UBAP2L: variants seen among roughly 807,000 people sequenced by gnomAD.
The protein encoded by UBAP2L is ubiquitin associated protein 2 like.
Under a neutral mutation model 130.6 loss-of-function variants are expected in UBAP2L, and 12 were observed. The observed-to-expected ratio is 0.09, with a 90% CI of 0.06 to 0.15. UBAP2L has a LOEUF of 0.15. UBAP2L is among the 10% of genes least tolerant of loss of function. The pLI, the probability that UBAP2L is intolerant of heterozygous loss-of-function variation, is 1.00. For synonymous variants in UBAP2L, 503 were observed against 524.7 expected (o/e 0.96, Z 0.57); for missense variants, 965 against 1,332.5 (o/e 0.72, Z 4.29).
Position 154,249,500 on chromosome 1 carries a change from C to A in UBAP2L, c.1213+63C>A, listed in dbSNP as rs1039208542. 13 of 1,597,780 alleles carry A rather than the reference C, an allele frequency of 8.1e-6. No individual in the cohort carries two copies. In the African/African-American group the frequency reaches 1.3e-4, roughly 16 times the overall value. ...TGGAGCATTACTGTCAAGAGGCTAG[C>A]AGGGGGAGGGGGTGGAGAATGTGTC... On this transcript the variant is annotated intron_variant, in intron 12 of 26. Transcript: ENST00000428931.
downstream of UBAP2L, chr1:154,271,253 A>T (rs1403194990): frequency 3.5e-6 from 1 of 284,728 alleles, no homozygotes; most frequent in African/African-American, 2.2e-5. Context: ...TTTAAGTATG[A>T]CTTAGATGGG....
intron 4 of UBAP2L, among the ~76,000 whole-genome samples, chr1:154,230,022 T>G (rs74517492): frequency 1.4e-5 from 2 of 146,622 alleles, no homozygotes. Context: ...ACCCAGCTAA[T>G]TTTTTTTTTT....
chr1:154,243,551 C>A (rs1674299433), intron 10 of UBAP2L, among the ~76,000 whole-genome samples: 1 of 151,994 alleles, frequency 6.6e-6, no homozygotes, highest in East Asian at 1.9e-4. Flanking sequence ...ACCTCTGCCT[C>A]CTGGGCTCAA....
chr1:154,254,028 A>G lies in UBAP2L; in HGVS notation c.1793A>G (p.Gln598Arg), dbSNP rs1283363330. The G allele has an allele frequency of 6.2e-7, 1 of 1,610,756 alleles. No individual in the cohort carries two copies. Among genetic ancestry groups the G allele is most frequent in the Admixed American group, 1.7e-5 (1 of 59,316 alleles). Reference sequence around the variant, plus strand: ...CCTCTTTATGAACAGAGATCCACACAGACTCGGCGGTACCCCAGCTCCATC... The same window carrying G: ...CCTCTTTATGAACAGAGATCCACACGGACTCGGCGGTACCCCAGCTCCATC... ...QGPLYEQRST[Q>R]TRRYPSSISS... The change falls in exon 15 of 27, where the codon CAG (glutamine) becomes CGG (arginine). Residue 598 changes from glutamine to arginine, a missense_variant. This residue lies in a region of UBAP2L where 393 missense variants were observed against 408.1 expected (regional missense o/e 0.96). Coordinates refer to ENST00000428931, the MANE Select transcript of UBAP2L (RefSeq NM_014847.4).
rs1341525919 is a variant in UBAP2L at position 154,242,927 on chromosome 1, CTTTT to C, written c.757-289_757-286del. On this transcript the variant is annotated intron_variant, in intron 9 of 26. Transcript: ENST00000428931. ...GGGAAAATATAGAGGGATTTTCTTT[CTTTT>C]ATTTTTTTTTTTTTATGTCTAGCAT... The C allele has an allele frequency of 3.7e-5, 7 of 188,196 alleles. No individual in the cohort carries two copies. The East Asian group carries it at 8.5e-4, about 23-fold the overall frequency. 11.7% of individuals were successfully genotyped at this position (188,196 alleles called of 1,614,324 possible).
rs757730922 is a variant in UBAP2L at position 154,257,198 on chromosome 1, A to G, written c.2293A>G (p.Ser765Gly). 2.5e-6 allele frequency: 4 copies of G among 1,614,098 alleles called. No homozygotes were observed. The African/African-American group carries it at 4.0e-5, about 16-fold the overall frequency. ...CAATAGTGGCAGTAGCCTGGGCCTC[A>G]GCCTAGGCAGCAACTCCACTGTCAC... The part of the protein sequence containing the change: ...SLNSGSSLGL[S>G]LGSNSTVTAS... The change falls in exon 19 of 27, where the codon AGC becomes GGC. Residue 765 changes from serine (S) to glycine (G), a missense_variant. Around this residue, in one of 9 missense-constraint regions of UBAP2L, gnomAD observed 393 missense variants for 408.1 expected, o/e 0.96. Coordinates refer to ENST00000428931, the MANE Select transcript of UBAP2L (RefSeq NM_014847.4).
intron 20 of UBAP2L, among the ~76,000 whole-genome samples, chr1:154,258,357 T>C (rs1385550603): frequency 1.3e-5 from 2 of 152,232 alleles, no homozygotes; most frequent in African/African-American, 2.4e-5. Flanking sequence ...GAAAGTTTCC[T>C]GACTCAATCT....
At chr1:154,260,139 C>T in intron 22 of UBAP2L, 110 bp downstream of exon 22, 4 of 1,171,908 alleles carry the variant, frequency 3.4e-6, no homozygotes. Flanking sequence ...TTGGTAGATT[C>T]AAAATCCTGC....
chr1:154,251,113 C>G lies in UBAP2L; in HGVS notation c.1286C>G (p.Thr429Ser). The G allele has an allele frequency of 6.2e-7, 1 of 1,614,170 alleles. No individual in the cohort carries two copies. The highest frequency in any genetic ancestry group is 1.3e-5 in the African/African-American group (1 of 75,046). The change falls in exon 13 of 27, where the codon ACC becomes AGC. Residue 429 changes from threonine to serine, a missense_variant. Transcript: ENST00000428931. Reference protein sequence around the residue: ...TKRQAFTPSSTMMEVFLQEKS... With the variant: ...TKRQAFTPSSSMMEVFLQEKS... ...CGCCAGGCTTTTACCCCATCTTCAACCATGATGGAGGTGTTCCTTCAGGAG... is the reference window on the plus strand; with the variant it reads ...CGCCAGGCTTTTACCCCATCTTCAAGCATGATGGAGGTGTTCCTTCAGGAG...
At chr1:154,223,122 TA>T (rs35435024) in intron 1 of UBAP2L, among the ~76,000 whole-genome samples, 98,960 of 152,032 alleles carry the variant, frequency 0.65, 33,246 homozygotes, top group East Asian at 0.96. Flanking sequence ...TACTAGGTGG[TA>T]AAAATTTTCT....
chr1:154,229,526 G>T (rs1362444142), intron 4 of UBAP2L, among the ~76,000 whole-genome samples: 1 of 151,978 alleles, frequency 6.6e-6, no homozygotes, highest in Non-Finnish European at 1.5e-5. Flanking sequence ...CCTGGCTGGA[G>T]TACACTGACA....
rs1405347631 is a variant in UBAP2L, at chr1:154,249,489, C to T, written c.1213+52C>T. The T allele has an allele frequency of 2.5e-6, 4 of 1,606,460 alleles. No homozygotes were observed. The African/African-American group carries it at 4.0e-5, about 16-fold the overall frequency. On this transcript the variant is annotated intron_variant, in intron 12 of 26. Coordinates refer to ENST00000428931, the MANE Select transcript of UBAP2L (RefSeq NM_014847.4). Reference sequence around the variant, plus strand: ...CTTTAAAGCATTGGAGCATTACTGTCAAGAGGCTAGCAGGGGGAGGGGGTG... The same window carrying T: ...CTTTAAAGCATTGGAGCATTACTGTTAAGAGGCTAGCAGGGGGAGGGGGTG...
intron 8 of UBAP2L, among the ~76,000 whole-genome samples, chr1:154,237,462 GC>G (rs1443600996): frequency 6.6e-6 from 1 of 152,202 alleles, no homozygotes; most frequent in Non-Finnish European, 1.5e-5. Context: ...GAAAGTCCAT[GC>G]CCTTTCAACT....
chr1:154,239,505 T>C (rs1320983094), intron 8 of UBAP2L, among the ~76,000 whole-genome samples: 1 of 152,240 alleles, frequency 6.6e-6, no homozygotes, highest in Non-Finnish European at 1.5e-5. Flanking sequence ...ACAGTTACAC[T>C]GATTGCTTTC....
At chr1:154,225,345 C>CT (rs1667568082) in intron 2 of UBAP2L, 132 bp downstream of exon 2, 1 of 916,938 alleles carries the variant, frequency 1.1e-6, no homozygotes, top group South Asian at 1.6e-5. Context: ...GTCCTTGGCT[C>CT]TTTTTTTACT....
rs1228127378 is a variant in UBAP2L, at chr1:154,236,928, G to A, written c.591-96G>A. The A allele has an allele frequency of 1.6e-5, 15 of 928,716 alleles. No individual in the cohort carries two copies. The East Asian group carries it at 3.8e-4, about 24-fold the overall frequency. 57.5% of individuals were successfully genotyped at this position (928,716 alleles called of 1,614,324 possible). A position where few individuals can be genotyped will look rare whatever the true frequency, so the allele number is the denominator to read the frequency against. ...TATAGAATGGGGCCATGACAGATTT[G>A]TACTAGGAAGGATGCAGTCAAGATT... is the stretch of plus-strand genomic sequence containing the variant. On this transcript the variant is annotated intron_variant, in intron 7 of 26. Transcript: ENST00000428931.
chr1:154,255,366 G>A lies in UBAP2L; in HGVS notation c.2084+40G>A, dbSNP rs1318908663. 2.5e-6 allele frequency: 4 copies of A among 1,605,492 alleles called. No individual in the cohort carries two copies. In the African/African-American group the frequency reaches 4.0e-5, roughly 16 times the overall value. On this transcript the variant is annotated intron_variant, in intron 17 of 26. Coordinates refer to ENST00000428931, the MANE Select transcript of UBAP2L (RefSeq NM_014847.4). ...GGATGGAGGTTGGGGTTGGTGAATA[G>A]CAATAACAGAGCTCTCTGGTCCTTA...
In UBAP2L at chr1:154,227,320, G is replaced by T. The variant is rs573470269; in HGVS notation, c.129G>T (p.Ser43=). 1 of 1,613,470 alleles carries T rather than the reference G, an allele frequency of 6.2e-7. No homozygotes were observed. The highest frequency in any genetic ancestry group is 8.5e-7 in the Non-Finnish European group (1 of 1,179,698). The change falls in exon 3 of 27, where the codon TCG becomes TCT. Residue 43 remains serine, a synonymous_variant. Transcript: ENST00000428931. The part of the protein sequence containing the change: ...AEQIRLAQMI[S]DHNDADFEEK... ...AAATTAGACTTGCACAGATGATTTC[G>T]GACCATAATGATGCTGACTTTGAGG...
intron 2 of UBAP2L, among the ~76,000 whole-genome samples, chr1:154,226,646 A>ACC: frequency 6.6e-6 from 1 of 152,220 alleles, no homozygotes; most frequent in Non-Finnish European, 1.5e-5. Context: ...GTTGGTTATT[A>ACC]CAGAAATAAG....
Sources: allele counts gnomAD v4.1 joint callset (sites outside exome capture counted in the v4.1 genomes callset), GRCh38; gene constraint gnomAD v4.1.1; regional missense constraint gnomAD v4.1.1; transcripts MANE v1.5; gene names NCBI Gene and HGNC (gene_info 2026-07-23, HGNC 2026-07-21).